The following SMC5 variants were observed in gnomAD, a reference collection of about 807,000 sequenced individuals.
SMC5 encodes structural maintenance of chromosomes 5.
Under a neutral mutation model 148.3 loss-of-function variants are expected in SMC5, and 88 were observed. The observed-to-expected ratio is 0.59, with a 90% CI of 0.50 to 0.71. The LOEUF (loss-of-function observed/expected upper bound fraction) is 0.71. Ranked by LOEUF, SMC5 falls within the 30% of genes least tolerant of loss-of-function variation. The pLI is 0.00. For synonymous variants in SMC5, 421 were observed against 432.8 expected, an observed-to-expected ratio of 0.97 and a Z score of 0.34; for missense variants, 1,142 against 1,298.9, an observed-to-expected ratio of 0.88 and a Z score of 1.86.
chr9:70,352,460 A>G lies in SMC5; in HGVS notation c.*129A>G, dbSNP rs953231654. 2.2e-6 allele frequency: 2 copies of G among 910,380 alleles called. No individual in the cohort carries two copies. The highest frequency in any genetic ancestry group is 2.6e-5 in the East Asian group (1 of 38,780). 56.4% of individuals were successfully genotyped at this position (910,380 alleles called of 1,614,324 possible). ...TTTTGGAAACCTGCTTTTAAATACA[A>G]ATAGGTTGATAATGGAAACTATAAT... On this transcript the variant is annotated 3_prime_UTR_variant, in exon 25 of 25. Coordinates refer to ENST00000361138, the MANE Select transcript of SMC5 (RefSeq NM_015110.4).
chr9:70,351,920 A>G (rs2036813070), intron 24 of SMC5, among the ~76,000 whole-genome samples: 1 of 152,062 alleles, frequency 6.6e-6, no homozygotes, highest in Non-Finnish European at 1.5e-5. Context: ...TACTAAAAAT[A>G]CAAAAAGTTA....
intron 24 of SMC5, 141 bp from the exon 25 acceptor site, chr9:70,352,050 C>T (rs548073105): frequency 7.6e-5 from 52 of 685,546 alleles, no homozygotes; most frequent in East Asian, 7.0e-4. Context: ...CTCTGTACTC[C>T]GGCCTGAGCA....
At chr9:70,309,617 C>T (rs749463550) in intron 11 of SMC5, among the ~76,000 whole-genome samples, 16 of 152,104 alleles carry the variant, frequency 1.1e-4, no homozygotes, top group Non-Finnish European at 2.1e-4. Flanking sequence ...AGAAGCTACT[C>T]CTCCTCCATT....
At chr9:70,347,800 C>T in intron 21 of SMC5, 83 bp downstream of exon 21, 3 of 1,242,770 alleles carry the variant, frequency 2.4e-6, no homozygotes, top group Non-Finnish European at 3.4e-6. Flanking sequence ...AGATGACATG[C>T]TTCTAAGAGA....
intron 17 of SMC5, among the ~76,000 whole-genome samples, chr9:70,331,504 G>T (rs2036219343): frequency 7.0e-6 from 1 of 142,922 alleles, no homozygotes; most frequent in African/African-American, 2.6e-5. Flanking sequence ...TATGGTTATG[G>T]GTTTTTTTTT....
chr9:70,281,293 C>T (rs900903619), intron 6 of SMC5, among the ~76,000 whole-genome samples: 5 of 152,038 alleles, frequency 3.3e-5, no homozygotes, highest in African/African-American at 7.2e-5. Context: ...CTGCCCCCCT[C>T]GGCCTCCCAA....
At chr9:70,342,461 T>A (rs540494926) in intron 17 of SMC5, among the ~76,000 whole-genome samples, 178 of 152,228 alleles carry the variant, frequency 1.2e-3, no homozygotes, top group Non-Finnish European at 2.0e-3. Context: ...ATCAAGTAGA[T>A]CTGGAATGTG....
At chr9:70,346,559 T>C in intron 18 of SMC5, 46 bp from the exon 19 acceptor site, 2 of 1,598,588 alleles carry the variant, frequency 1.3e-6, no homozygotes, top group Non-Finnish European at 1.7e-6. Context: ...AACTTCTTGC[T>C]CTCTTTCAAT....
rs73446796 is a variant in SMC5, at chr9:70,286,651, G to T, written c.1053+380G>T. 4.1e-3 allele frequency: 648 copies of T among 159,586 alleles called. 4 individuals are homozygous for T. The highest frequency in any genetic ancestry group is 0.014 in the African/African-American group (561 of 41,388). 9.9% of individuals were successfully genotyped at this position (159,586 alleles called of 1,614,324 possible). ...GTGATGACGCTTATGTAGAAAATGC[G>T]TATGTACCTTTATGCATGATTGAAA... On this transcript the variant is annotated intron_variant, in intron 8 of 24. Transcript: ENST00000361138.
intron 11 of SMC5, among the ~76,000 whole-genome samples, chr9:70,313,341 G>A (rs2035709411): frequency 6.6e-6 from 1 of 152,006 alleles, no homozygotes; most frequent in Admixed American, 6.6e-5. Context: ...ATAAACCATA[G>A]TTTTCTTGAA....
intron 3 of SMC5, among the ~76,000 whole-genome samples, chr9:70,276,551 T>C (rs1021151240): frequency 6.6e-6 from 1 of 152,220 alleles, no homozygotes; most frequent in Non-Finnish European, 1.5e-5. Context: ...AAAGTCTTAC[T>C]GTTCCAAGTG....
In SMC5 at chr9:70,274,053, G is replaced by A. The variant is rs939323984; in HGVS notation, c.381-3257G>A. Among the ~76,000 whole-genome samples the A allele has an allele frequency of 2.0e-5, 3 of 152,012 alleles. No homozygotes were observed. In the South Asian group the frequency reaches 6.2e-4, roughly 32 times the overall value. On this transcript the variant is annotated intron_variant, in intron 3 of 24. Transcript: ENST00000361138. Reference sequence around the variant, plus strand: ...AATTTTCCTTGTCCTGTCAATTTTCGCCTTATGTATTTCTAGGACATTATT... The same window carrying A: ...AATTTTCCTTGTCCTGTCAATTTTCACCTTATGTATTTCTAGGACATTATT...
intron 3 of SMC5, among the ~76,000 whole-genome samples, chr9:70,268,450 C>T (rs915000958): frequency 6.7e-6 from 1 of 149,290 alleles, no homozygotes; most frequent in Admixed American, 6.6e-5. Flanking sequence ...TGCCCATGCC[C>T]CCTGCCCCCC....
intron 1 of SMC5, among the ~76,000 whole-genome samples, chr9:70,262,383 T>G (rs1169352955): frequency 1.3e-5 from 2 of 152,334 alleles, no homozygotes; most frequent in South Asian, 4.1e-4. Flanking sequence ...TTTTTCTTTT[T>G]TAACAAGTGA....
chr9:70,339,565 T>G (rs1244398163), intron 17 of SMC5, among the ~76,000 whole-genome samples: 1 of 152,264 alleles, frequency 6.6e-6, no homozygotes, highest in Non-Finnish European at 1.5e-5. Context: ...GATTTTTATC[T>G]ATCTCATCTG....
At chr9:70,276,280 C>T (rs2034590166) in intron 3 of SMC5, among the ~76,000 whole-genome samples, 2 of 152,176 alleles carry the variant, frequency 1.3e-5, no homozygotes, top group Admixed American at 1.3e-4. Flanking sequence ...ACCAGCAGAT[C>T]ATCAAAATGA....
Position 70,350,456 on chromosome 9 carries a change from T to C in SMC5, c.3150T>C (p.Phe1050=). 2 of 1,594,192 alleles carry C rather than the reference T, an allele frequency of 1.3e-6. No individual in the cohort carries two copies. The highest frequency in any genetic ancestry group is 4.5e-5 in the East Asian group (2 of 44,250). Residue 1050 remains phenylalanine (F), a synonymous_variant, in exon 24 of 25, where the codon TTT becomes TTC. Transcript: ENST00000361138. ...GTAAAGAAAATACATCTCAATACTT[T>C]TTCATAACACCAAAGGTAGGTAAAA... ...TACKENTSQY[F]FITPKLLQNL...
chr9:70,323,510 C>G lies in SMC5; in HGVS notation c.2178C>G (p.Cys726Trp), dbSNP rs747203351. 17 of 1,610,600 alleles carry G rather than the reference C, an allele frequency of 1.1e-5. No homozygotes were observed. In the Admixed American group the frequency reaches 1.2e-4, roughly 11 times the overall value. Residue 726 changes from cysteine (C) to tryptophan (W), a missense_variant, in exon 16 of 25, where the codon TGC becomes TGG. Physicochemically the swap from Cys to Trp is radical, Grantham distance 215. This residue lies in a region of SMC5 where 743 missense variants were observed against 835.7 expected (regional missense o/e 0.89). Transcript: ENST00000361138. ...TAAAGCTGATGGAACAGGATACTTG[C>G]AATCTTGAAGAGGAAGAGCGAAAAG... ...GSLKLMEQDT[C>W]NLEEEERKAS...
intron 8 of SMC5, among the ~76,000 whole-genome samples, chr9:70,290,866 C>G (rs1255691111): frequency 6.6e-6 from 1 of 152,142 alleles, no homozygotes; most frequent in African/African-American, 2.4e-5. Flanking sequence ...TCAGGGCAAA[C>G]AGAAAAAGGG....
Sources: gnomAD v4.1 joint callset for allele counts (sites outside exome capture counted in the v4.1 genomes callset) on GRCh38, gnomAD v4.1.1 for gene constraint, gnomAD v4.1.1 regional missense constraint, MANE v1.5 for transcripts, NCBI Gene and HGNC (gene_info 2026-07-23, HGNC 2026-07-21) for gene names.